Variants in ZFHX4 observed in about 807,000 individuals in gnomAD.
ZFHX4 encodes the protein zinc finger homeobox 4.
ZFHX4 carries 56 observed loss-of-function variants against 267.6 expected under a neutral mutation model. That is an observed-to-expected ratio of 0.21 (90% confidence interval 0.17 to 0.26). The LOEUF is 0.26. ZFHX4 is among the 10% of genes least tolerant of loss of function. The pLI is 1.00. For synonymous variants in ZFHX4, 1,778 were observed against 1,665.6 expected, an observed-to-expected ratio of 1.07 and a Z score of -1.64; for missense variants, 4,332 against 4,420.0, an observed-to-expected ratio of 0.98 and a Z score of 0.56.
chr8:76,801,547 C>A (rs1158793866), intron 4 of ZFHX4, among the ~76,000 whole-genome samples: 1 of 152,166 alleles, frequency 6.6e-6, no homozygotes, highest in Non-Finnish European at 1.5e-5. Flanking sequence ...CAACCATTTT[C>A]TTTTCTGCTC....
intron 8 of ZFHX4, 47 bp downstream of exon 8, chr8:76,849,759 G>A (rs867907758): frequency 6.6e-7 from 1 of 1,512,178 alleles, no homozygotes; most frequent in Middle Eastern, 1.8e-4. Flanking sequence ...TCTGTGTCAG[G>A]AATATCAATA....
chr8:76,793,076 T>G (rs1810881258), intron 4 of ZFHX4, among the ~76,000 whole-genome samples: 1 of 152,132 alleles, frequency 6.6e-6, no homozygotes, highest in Non-Finnish European at 1.5e-5. Context: ...ACCTAATAAC[T>G]TGTCCAGACT....
chr8:76,835,638 C>T (rs1812073847), intron 5 of ZFHX4, among the ~76,000 whole-genome samples: 1 of 151,970 alleles, frequency 6.6e-6, no homozygotes, highest in African/African-American at 2.4e-5. Flanking sequence ...ATCTTATTTT[C>T]TCCTAAAAAT....
Position 76,863,939 on chromosome 8 carries a change from C to A in ZFHX4, c.10225C>A (p.Gln3409Lys). ...VKYEFICRKC[Q>K]MMFTDEDAAV... ...GTATGAGTTTATATGCAGAAAGTGC[C>A]AGATGATGTTTACTGATGAAGACGC... The change falls in exon 11 of 11, where the codon CAG becomes AAG. Residue 3409 changes from glutamine (Q) to lysine (K), a missense_variant. Gln to Lys is a moderately conservative substitution (Grantham distance 53). This residue lies in a region of ZFHX4 where 1,648 missense variants were observed against 1,625.0 expected (regional missense o/e 1.01). Coordinates refer to ENST00000651372, the MANE Select transcript of ZFHX4 (RefSeq NM_024721.5). 1 of 1,603,264 alleles carries A rather than the reference C, an allele frequency of 6.2e-7. No homozygotes were observed. Among genetic ancestry groups the A allele is most frequent in the Non-Finnish European group, 8.5e-7 (1 of 1,174,454 alleles).
intron 4 of ZFHX4, among the ~76,000 whole-genome samples, chr8:76,807,293 C>T (rs947160565): frequency 6.6e-6 from 1 of 151,860 alleles, no homozygotes; most frequent in Non-Finnish European, 1.5e-5. Context: ...AGACGGTGCA[C>T]AGAGAAAAAC....
At chr8:76,797,093 T>C (rs1216693109) in intron 4 of ZFHX4, among the ~76,000 whole-genome samples, 1 of 152,148 alleles carries the variant, frequency 6.6e-6, no homozygotes, top group African/African-American at 2.4e-5. Context: ...CACCATGAGA[T>C]CAGCCAGGCC....
intron 4 of ZFHX4, 130 bp from the exon 5 acceptor site, chr8:76,833,208 G>T: frequency 1.5e-6 from 1 of 652,020 alleles, no homozygotes; most frequent in Non-Finnish European, 2.7e-6. Flanking sequence ...ATGTGTGCTG[G>T]AGACTCACCT....
At chr8:76,815,375 G>T (rs1327562254) in intron 4 of ZFHX4, among the ~76,000 whole-genome samples, 1 of 152,174 alleles carries the variant, frequency 6.6e-6, no homozygotes, top group East Asian at 1.9e-4. Context: ...AGGCTGGGAA[G>T]TCCAAGATCA....
chr8:76,833,232 T>C (rs1199739682), intron 4 of ZFHX4, 106 bp from the exon 5 acceptor site: 2 of 790,448 alleles, frequency 2.5e-6, no homozygotes, highest in African/African-American at 1.7e-5. Flanking sequence ...CTTCACCTGA[T>C]ACTTATCTCT....
chr8:76,796,532 A>G (rs1475142582), intron 4 of ZFHX4, among the ~76,000 whole-genome samples: 2 of 152,122 alleles, frequency 1.3e-5, no homozygotes, highest in African/African-American at 4.8e-5. Flanking sequence ...TGTATTTTTA[A>G]TTCCCATGAC....
At chr8:76,753,217 C>T (rs1398751870) in intron 3 of ZFHX4, among the ~76,000 whole-genome samples, 1 of 152,108 alleles carries the variant, frequency 6.6e-6, no homozygotes, top group Non-Finnish European at 1.5e-5. Context: ...TTATCTTGGA[C>T]TCCCAGAAAT....
intron 4 of ZFHX4, among the ~76,000 whole-genome samples, chr8:76,826,804 A>C (rs1489026414): frequency 6.6e-6 from 1 of 152,234 alleles, no homozygotes; most frequent in Non-Finnish European, 1.5e-5. Flanking sequence ...ATAGGCAACA[A>C]TACTGTATTG....
chr8:76,780,289 G>C (rs1010451470), intron 4 of ZFHX4, among the ~76,000 whole-genome samples: 1 of 152,114 alleles, frequency 6.6e-6, no homozygotes, highest in Non-Finnish European at 1.5e-5. Context: ...AAAGTACAAA[G>C]CATCTGTATA....
intron 3 of ZFHX4, among the ~76,000 whole-genome samples, chr8:76,773,389 T>C (rs561202272): frequency 7.2e-5 from 11 of 152,206 alleles, no homozygotes; most frequent in Non-Finnish European, 1.5e-4. Context: ...ATAATATCTT[T>C]TTAATATAAT....
At position 76,854,446 on chromosome 8, in the gene ZFHX4, C is replaced by A. The variant is rs1273295612; in HGVS notation, c.7525C>A (p.Gln2509Lys). 1 of 1,613,848 alleles carries A rather than the reference C, an allele frequency of 6.2e-7. No homozygotes were observed. Among genetic ancestry groups the A allele is most frequent in the Non-Finnish European group, 8.5e-7 (1 of 1,179,900 alleles). The change falls in exon 10 of 11, where the codon CAG (glutamine) becomes AAG (lysine). Residue 2509 changes from glutamine (Q) to lysine (K), a missense_variant. By Grantham distance (53) the Gln-to-Lys change is moderately conservative (BLOSUM62 1). Around this residue, in one of 7 missense-constraint regions of ZFHX4, gnomAD observed 1,648 missense variants for 1,625.0 expected, o/e 1.01. Coordinates refer to ENST00000651372, the MANE Select transcript of ZFHX4 (RefSeq NM_024721.5). ...TGCCTTCCCAACTCTGGAACTCTGGCAGGAACACCAGCACATGCACTTCCT... is the reference window on the plus strand; with the variant it reads ...TGCCTTCCCAACTCTGGAACTCTGGAAGGAACACCAGCACATGCACTTCCT... ...TVAFPTLELWQEHQHMHFLAA... is the reference protein window; with the variant it reads ...TVAFPTLELWKEHQHMHFLAA...
chr8:76,715,765 A>C (rs1180615514), intron 3 of ZFHX4, among the ~76,000 whole-genome samples: 1 of 152,142 alleles, frequency 6.6e-6, no homozygotes, highest in Non-Finnish European at 1.5e-5. Flanking sequence ...TCTTTAAGGA[A>C]ATTTTGTAAT....
At position 76,775,780 on chromosome 8, in the gene ZFHX4, G is replaced by A. The variant is rs1378286297; in HGVS notation, c.3094-2428G>A. On this transcript the variant is annotated intron_variant, in intron 3 of 10. Transcript: ENST00000651372. ...GTTTTTGTGCATTGTTCATTAGCCTGTGAGTGTTGCAGGCACACTTGATAT... is the reference window on the plus strand; with the variant it reads ...GTTTTTGTGCATTGTTCATTAGCCTATGAGTGTTGCAGGCACACTTGATAT... 3.3e-5 allele frequency among the ~76,000 whole-genome samples: 5 copies of A among 152,102 alleles called. No homozygotes were observed. The East Asian group carries it at 9.6e-4, about 29-fold the overall frequency.
Position 76,705,227 on chromosome 8 carries a change from C to T in ZFHX4, c.1139C>T (p.Ala380Val), listed in dbSNP as rs778893249. The change falls in exon 2 of 11, where the codon GCC becomes GTC. Residue 380 changes from alanine (A) to valine (V), a missense_variant. Physicochemically the swap from Ala to Val is moderately conservative, Grantham distance 64. Coordinates refer to ENST00000651372, the MANE Select transcript of ZFHX4 (RefSeq NM_024721.5). ...GGTGACTCTTTGCCGGCTGGCTTTG[C>T]CTTCTTAAAAGGAAGCGCGAGCACC... ...ENGDSLPAGFAFLKGSASTSS... is the reference protein window; with the variant it reads ...ENGDSLPAGFVFLKGSASTSS... 30 of 1,613,870 alleles carry T rather than the reference C, an allele frequency of 1.9e-5. No individual in the cohort carries two copies. The highest frequency in any genetic ancestry group is 2.5e-5 in the Non-Finnish European group (29 of 1,179,910).
intron 3 of ZFHX4, among the ~76,000 whole-genome samples, chr8:76,745,535 A>G (rs1339902853): frequency 6.6e-6 from 1 of 151,954 alleles, no homozygotes; most frequent in Non-Finnish European, 1.5e-5. Context: ...TAATAGTTGA[A>G]AAGTCAATTA....
Sources: gnomAD v4.1 joint callset for allele counts (sites outside exome capture counted in the v4.1 genomes callset) on GRCh38, gnomAD v4.1.1 for gene constraint, gnomAD v4.1.1 regional missense constraint, MANE v1.5 for transcripts, NCBI Gene and HGNC (gene_info 2026-07-23, HGNC 2026-07-21) for gene names.